The following RTN1 variants were observed in gnomAD, a reference collection of about 807,000 sequenced individuals.
The protein encoded by RTN1 is reticulon 1, also known as reticulon-1.
In RTN1, 25 loss-of-function variants were observed where a neutral mutation model predicts 65.5. The observed-to-expected ratio is 0.38, with a 90% confidence interval of 0.28 to 0.53. The LOEUF (loss-of-function observed/expected upper bound fraction) is 0.53, where lower values mean the gene tolerates loss of function less well. RTN1 is among the 20% of genes least tolerant of loss of function. The pLI is 0.79. For missense variants in RTN1, 983 were observed against 1,025.4 expected (o/e 0.96, Z 0.57); for synonymous variants, 471 against 447.6 (o/e 1.05, Z -0.66).
chr14:59,741,668 C>T (rs777887999), intron 2 of RTN1, among the ~76,000 whole-genome samples: 10 of 152,206 alleles, frequency 6.6e-5, no homozygotes, highest in Non-Finnish European at 1.3e-4. Context: ...CAAACTCCTT[C>T]CCCACGATCT....
At position 59,870,650 on chromosome 14, in the gene RTN1, C is replaced by T; in HGVS notation, c.-20G>A. 1 of 1,359,240 alleles carries T rather than the reference C, an allele frequency of 7.4e-7. No individual in the cohort carries two copies. Among genetic ancestry groups the T allele is most frequent in the Non-Finnish European group, 9.4e-7 (1 of 1,063,562 alleles). 84.2% of individuals were successfully genotyped at this position (1,359,240 alleles called of 1,614,324 possible). ...GGCCATGGCTGGCGGTCCCCCGGCGCGGCGACGGCGGCTTGGCTGGGCAGA... is the reference window on the plus strand; with the variant it reads ...GGCCATGGCTGGCGGTCCCCCGGCGTGGCGACGGCGGCTTGGCTGGGCAGA... On this transcript the variant is annotated 5_prime_UTR_variant, in exon 1 of 9. Coordinates refer to ENST00000267484, the MANE Select transcript of RTN1 (RefSeq NM_021136.3). The surrounding 1 kb of genome is among the most constrained non-coding windows in gnomAD (Gnocchi z 5.1).
intron 3 of RTN1, among the ~76,000 whole-genome samples, chr14:59,723,679 T>C (rs1344678042): frequency 6.6e-6 from 1 of 152,154 alleles, no homozygotes; most frequent in East Asian, 1.9e-4. Context: ...AGCTTTAAAG[T>C]GTATAAGAAT....
intron 1 of RTN1, among the ~76,000 whole-genome samples, chr14:59,832,406 C>T (rs1378220589): frequency 1.3e-5 from 2 of 152,102 alleles, no homozygotes; most frequent in Non-Finnish European, 2.9e-5. Context: ...CTCCCACCTA[C>T]CCATTCACAG....
intron 3 of RTN1, among the ~76,000 whole-genome samples, chr14:59,610,683 C>T (rs1213507597): frequency 1.3e-5 from 2 of 152,166 alleles, no homozygotes; most frequent in South Asian, 2.1e-4. Flanking sequence ...TGGTAACTGC[C>T]CTTTCCCAAA....
rs1004651545 is a variant in RTN1 at position 59,846,410 on chromosome 14, GCACACGTGTGTACACA to G, written c.241+23964_241+23979del. ...AGCCCATGGATCAGAGTTGATGTATGCACACGTGTGTACACACACACGTGTGTACCACACACATCCA... is the reference window on the plus strand; with the variant it reads ...AGCCCATGGATCAGAGTTGATGTATGCACACGTGTGTACCACACACATCCA... On this transcript the variant is annotated intron_variant, in intron 1 of 8. Transcript: ENST00000267484. The surrounding 1 kb of genome is among the most constrained non-coding windows in gnomAD (Gnocchi z 4.8). Among the ~76,000 whole-genome samples the G allele has an allele frequency of 2.4e-4, 37 of 152,158 alleles. No homozygotes were observed. The highest frequency in any genetic ancestry group is 3.4e-3 in the Middle Eastern group (1 of 292).
At chr14:59,672,594 G>A (rs1403008110) in intron 3 of RTN1, among the ~76,000 whole-genome samples, 3 of 139,470 alleles carry the variant, frequency 2.2e-5, no homozygotes, top group Non-Finnish European at 4.7e-5. Context: ...TTGAATGAGT[G>A]ATTTGTTGAA....
intron 1 of RTN1, among the ~76,000 whole-genome samples, chr14:59,817,516 A>G (rs1175674489): frequency 1.1e-4 from 17 of 152,120 alleles, no homozygotes; most frequent in Non-Finnish European, 1.2e-4. Flanking sequence ...CTTTGTAAAG[A>G]CTGTCATGTA....
At chr14:59,714,027 A>G (rs960224254) in intron 3 of RTN1, among the ~76,000 whole-genome samples, 1 of 152,144 alleles carries the variant, frequency 6.6e-6, no homozygotes, top group Non-Finnish European at 1.5e-5. Flanking sequence ...CGAGGTCAGG[A>G]GTTCCAGGCC....
intron 3 of RTN1, among the ~76,000 whole-genome samples, chr14:59,722,879 G>A (rs1566698636): frequency 6.6e-6 from 1 of 151,540 alleles, no homozygotes; most frequent in Non-Finnish European, 1.5e-5. Context: ...CTCACTGCAG[G>A]CCCGACCTCC....
intron 3 of RTN1, among the ~76,000 whole-genome samples, chr14:59,718,158 C>T (rs112628570): frequency 1.6e-4 from 25 of 152,208 alleles, no homozygotes; most frequent in African/African-American, 5.3e-4. Context: ...CAATGCTTTG[C>T]CTGGCCAAGA....
intron 1 of RTN1, among the ~76,000 whole-genome samples, chr14:59,856,409 A>G (rs1020675395): frequency 1.3e-4 from 20 of 151,996 alleles, no homozygotes; most frequent in African/African-American, 4.8e-4. Context: ...CTGGTAAGAG[A>G]AGCAGCCTCT....
chr14:59,607,645 G>T (rs1881805439), intron 3 of RTN1, 153 bp from the exon 4 acceptor site: 1 of 651,550 alleles, frequency 1.5e-6, no homozygotes, highest in Non-Finnish European at 2.7e-6. Context: ...TGTGCCAAGG[G>T]CACTTACTGT....
intron 3 of RTN1, among the ~76,000 whole-genome samples, chr14:59,723,595 A>G (rs1296009927): frequency 1.3e-5 from 2 of 152,178 alleles, no homozygotes; most frequent in Non-Finnish European, 2.9e-5. Flanking sequence ...CAGCCTGGGC[A>G]ACAGAGCGAG....
Position 59,870,274 on chromosome 14 carries a change from G to A in RTN1, c.241+116C>T, listed in dbSNP as rs1887872586. ...TCGCCCGTGGCGACGCGGGGGTGGG[G>A]TCGGCGCTCAAGGCAGAAAGCGCGA... is the stretch of plus-strand genomic sequence containing the variant. On this transcript the variant is annotated intron_variant, in intron 1 of 8. Transcript: ENST00000267484. This position sits in a 1 kb window ranked among gnomAD's most constrained non-coding sequence, Gnocchi z 5.1. 12 of 1,070,568 alleles carry A rather than the reference G, an allele frequency of 1.1e-5. No homozygotes were observed. In the South Asian group the frequency reaches 3.1e-4, roughly 27 times the overall value. The allele number at this position is 1,070,568 out of a possible 1,614,324, so 66.3% of individuals were successfully genotyped here.
chr14:59,685,158 G>A (rs953369196), intron 3 of RTN1, among the ~76,000 whole-genome samples: 1 of 151,918 alleles, frequency 6.6e-6, no homozygotes, highest in African/African-American at 2.4e-5. Flanking sequence ...CAACAATTAG[G>A]AATGTACCTC....
At chr14:59,842,001 C>T (rs973687655) in intron 1 of RTN1, among the ~76,000 whole-genome samples, 1 of 151,934 alleles carries the variant, frequency 6.6e-6, no homozygotes, top group Admixed American at 6.6e-5. Flanking sequence ...TGGTGCGTGC[C>T]TGTAGTCCCA....
rs906412625 is a variant in RTN1, at chr14:59,803,197, T to A, written c.242-56716A>T. On this transcript the variant is annotated intron_variant, in intron 1 of 8. Coordinates refer to ENST00000267484, the MANE Select transcript of RTN1 (RefSeq NM_021136.3). The surrounding 1 kb of genome is among the most constrained non-coding windows in gnomAD (Gnocchi z 5.6). ...AAAGTACACCTGTAATCAGAGTCCC[T>A]GGAGCTTTGATTAGACAGGGAGAGT... is the stretch of plus-strand genomic sequence containing the variant. Among the ~76,000 whole-genome samples the A allele has an allele frequency of 6.6e-6, 1 of 152,150 alleles. No individual in the cohort carries two copies. Among genetic ancestry groups the A allele is most frequent in the African/African-American group, 2.4e-5 (1 of 41,432 alleles).
intron 1 of RTN1, among the ~76,000 whole-genome samples, chr14:59,799,193 G>GA (rs1400965475): frequency 2.6e-5 from 4 of 152,108 alleles, no homozygotes; most frequent in Admixed American, 6.5e-5. Flanking sequence ...AGGACATTCA[G>GA]AAAAAAGGCT....
At chr14:59,860,205 G>A (rs116777282) in intron 1 of RTN1, among the ~76,000 whole-genome samples, 3,462 of 152,244 alleles carry the variant, frequency 0.023, 130 homozygotes, top group African/African-American at 0.079. Context: ...CCAGGGTCCC[G>A]TGCTGTATGC....
Sources: allele counts gnomAD v4.1 joint callset (sites outside exome capture counted in the v4.1 genomes callset), GRCh38; gene constraint gnomAD v4.1.1; non-coding constraint Gnocchi (gnomAD v3.1); transcripts MANE v1.5; gene names NCBI Gene and HGNC (gene_info 2026-07-23, HGNC 2026-07-21).